The following RYR1 variants were observed in gnomAD, a reference collection of about 807,000 sequenced individuals.
RYR1 encodes central core disease of muscle.
RYR1 carries 342 observed loss-of-function variants against 583.5 expected under a neutral mutation model. That is an observed-to-expected ratio of 0.59 (90% CI 0.54 to 0.64). The LOEUF (loss-of-function observed/expected upper bound fraction) is 0.64, where lower values mean the gene tolerates loss of function less well. Ranked by LOEUF, RYR1 falls within the 30% of genes least tolerant of loss-of-function variation. RYR1 has a pLI of 0.00. For synonymous variants in RYR1, 2,791 were observed against 2,822.5 expected (o/e 0.99, Z 0.35); for missense variants, 6,032 against 6,917.2 (o/e 0.87, Z 4.54).
chr19:38,525,843 C>A (rs897984760), intron 71 of RYR1, among the ~76,000 whole-genome samples: 2 of 151,688 alleles, frequency 1.3e-5, no homozygotes, highest in Non-Finnish European at 2.9e-5. Context: ...CTGAGAGTCC[C>A]CCCAACAAGA....
chr19:38,549,769 A>C (rs977618498), intron 89 of RYR1, among the ~76,000 whole-genome samples: 1 of 138,954 alleles, frequency 7.2e-6, no homozygotes, highest in Non-Finnish European at 1.5e-5. Flanking sequence ...GCAGTGGTGC[A>C]ATCTCAGCTC....
In RYR1 at chr19:38,565,554, G is replaced by T. The variant is rs761108833; in HGVS notation, c.13220G>T (p.Gly4407Val). The T allele has an allele frequency of 6.7e-7, 1 of 1,486,578 alleles. No individual in the cohort carries two copies. Among genetic ancestry groups the T allele is most frequent in the South Asian group, 1.3e-5 (1 of 78,970 alleles). 92.1% of individuals were successfully genotyped at this position (1,486,578 alleles called of 1,614,324 possible). A position where few individuals can be genotyped will look rare whatever the true frequency, so the allele number is the denominator to read the frequency against. Reference protein sequence around the residue: ...AGPGGDADGEGASEGAGDAAE... With the variant: ...AGPGGDADGEVASEGAGDAAE... ...CCGGGCGGAGACGCAGACGGCGAGG[G>T]TGCCAGCGAGGGCGCTGGAGACGCC... The change falls in exon 91 of 106, where the codon GGT (glycine) becomes GTT (valine). Residue 4407 changes from glycine to valine, a missense_variant. Physicochemically the swap from Gly to Val is moderately radical, Grantham distance 109 (BLOSUM62 -3). Around this residue, in one of 11 missense-constraint regions of RYR1, gnomAD observed 753 missense variants for 759.6 expected, o/e 0.99. Transcript: ENST00000359596. The surrounding 1 kb of genome is among the most constrained non-coding windows in gnomAD (Gnocchi z 4.7).
chr19:38,537,523 A>AG (rs953527553), intron 83 of RYR1, among the ~76,000 whole-genome samples: 1 of 152,062 alleles, frequency 6.6e-6, no homozygotes, highest in Admixed American at 6.6e-5. Context: ...CACGGTCTGA[A>AG]GGGGGGCTGA....
At chr19:38,580,263 A>C in intron 100 of RYR1, 107 bp from the exon 101 acceptor site, 1 of 1,585,514 alleles carries the variant, frequency 6.3e-7, no homozygotes, top group Non-Finnish European at 8.6e-7. Flanking sequence ...TGTGTGGGGC[A>C]GCAAGGTAGA....
chr19:38,572,114 G>A lies in RYR1; in HGVS notation c.13842G>A (p.Leu4614=), dbSNP rs775940719. The change falls in exon 95 of 106, where the codon TTG becomes TTA. Residue 4614 remains leucine (L), a synonymous_variant. Coordinates refer to ENST00000359596, the MANE Select transcript of RYR1 (RefSeq NM_000540.3). ...CTGGTGGCAGCTCTGGCTGGGGCTTGGGGGCCGGAGAGGAGGCAGAGGGCG... is the reference window on the plus strand; with the variant it reads ...CTGGTGGCAGCTCTGGCTGGGGCTTAGGGGCCGGAGAGGAGGCAGAGGGCG... The part of the protein sequence containing the change: ...AGSGGSSGWG[L]GAGEEAEGDE... The A allele has an allele frequency of 1.2e-6, 2 of 1,614,142 alleles. No homozygotes were observed. The highest frequency in any genetic ancestry group is 1.1e-5 in the South Asian group (1 of 91,080).
intron 90 of RYR1, among the ~76,000 whole-genome samples, chr19:38,564,374 ACT>A (rs1973288530): frequency 6.6e-6 from 1 of 152,004 alleles, no homozygotes; most frequent in South Asian, 2.1e-4. Context: ...AAATTCAAAA[ACT>A]CAGCCCAGCA....
chr19:38,475,087 C>T (rs78338499), intron 28 of RYR1, among the ~76,000 whole-genome samples: 1 of 152,170 alleles, frequency 6.6e-6, no homozygotes. Context: ...GTGGGGACCT[C>T]CATATTCCCA....
chr19:38,506,753 G>C, intron 56 of RYR1, 76 bp from the exon 57 acceptor site: 1 of 1,601,638 alleles, frequency 6.2e-7, no homozygotes, highest in Non-Finnish European at 8.5e-7. Context: ...CGCATGCCGG[G>C]CACTGCAGGA....
intron 57 of RYR1, 31 bp downstream of exon 57, chr19:38,506,983 A>T: frequency 1.2e-6 from 2 of 1,612,022 alleles, no homozygotes; most frequent in Non-Finnish European, 1.7e-6. Flanking sequence ...GCGGAAGAGC[A>T]GCAGGCAGAA....
intron 101 of RYR1, among the ~76,000 whole-genome samples, chr19:38,582,258 A>G (rs1345772431): frequency 6.6e-6 from 1 of 152,028 alleles, no homozygotes; most frequent in Non-Finnish European, 1.5e-5. Flanking sequence ...TTAGCTGGGC[A>G]TGGTGGCGCA....
rs546153015 is a variant in RYR1 at position 38,479,976 on chromosome 19, TC to T, written c.4620+1379del. 2.1e-4 allele frequency among the ~76,000 whole-genome samples: 32 copies of T among 152,154 alleles called. No homozygotes were observed. In the East Asian group the frequency reaches 6.0e-3, roughly 29 times the overall value. On this transcript the variant is annotated intron_variant, in intron 31 of 105. Coordinates refer to ENST00000359596, the MANE Select transcript of RYR1 (RefSeq NM_000540.3). ...CTCAAGCAATCCTTCTGCCTCAGCC[TC>T]CCAAAGTGCTGGGATTGCAGGCGTG...
At chr19:38,492,682 GC>G in intron 38 of RYR1, 46 bp downstream of exon 38, 1 of 1,560,100 alleles carries the variant, frequency 6.4e-7, no homozygotes, top group Non-Finnish European at 8.7e-7. Flanking sequence ...GGGGTGGGTA[GC>G]CCCATGCCTG....
intron 31 of RYR1, among the ~76,000 whole-genome samples, chr19:38,480,646 G>A (rs1224227885): frequency 6.6e-6 from 1 of 152,018 alleles, no homozygotes; most frequent in Admixed American, 6.6e-5. Flanking sequence ...TCCAGTTTGT[G>A]TTCAGATTTC....
chr19:38,461,347 C>T (rs1967731864), intron 20 of RYR1, among the ~76,000 whole-genome samples: 1 of 152,018 alleles, frequency 6.6e-6, no homozygotes. Context: ...GCCCTAGAAG[C>T]TGGGAACCTC....
At position 38,473,663 on chromosome 19, in the gene RYR1, C is replaced by G; in HGVS notation, c.4052C>G (p.Thr1351Ser). ...GAGGCAGAGAACGGCAAAGAAGGGA[C>G]TGCGAAGGAGGGCGCCCCCGGGGGC... is the stretch of plus-strand genomic sequence containing the variant. Reference protein sequence around the residue: ...WSEAENGKEGTAKEGAPGGTP... With the variant: ...WSEAENGKEGSAKEGAPGGTP... The change falls in exon 28 of 106, where the codon ACT (threonine) becomes AGT (serine). Residue 1351 changes from threonine to serine, a missense_variant. Physicochemically the swap from Thr to Ser is moderately conservative, Grantham distance 58. Transcript: ENST00000359596. The G allele has an allele frequency of 6.4e-7, 1 of 1,553,488 alleles. No individual in the cohort carries two copies. The highest frequency in any genetic ancestry group is 1.2e-5 in the South Asian group (1 of 84,298).
intron 70 of RYR1, among the ~76,000 whole-genome samples, chr19:38,524,468 A>C (rs1391825953): frequency 6.6e-6 from 1 of 152,148 alleles, no homozygotes; most frequent in African/African-American, 2.4e-5. Flanking sequence ...GCGAGGACTC[A>C]GGGAGAAGCT....
At position 38,505,818 on chromosome 19, in the gene RYR1, T is replaced by C; in HGVS notation, c.8413T>C (p.Tyr2805His). 1.2e-6 allele frequency: 2 copies of C among 1,614,150 alleles called. No individual in the cohort carries two copies. The highest frequency in any genetic ancestry group is 8.5e-7 in the Non-Finnish European group (1 of 1,180,018). Residue 2805 changes from tyrosine (Y) to histidine (H), a missense_variant, in exon 54 of 106, where the codon TAC (tyrosine) becomes CAC (histidine). By Grantham distance (83) the Tyr-to-His change is moderately conservative. Around this residue, in one of 11 missense-constraint regions of RYR1, gnomAD observed 1,493 missense variants for 1,715.5 expected, o/e 0.87. Coordinates refer to ENST00000359596, the MANE Select transcript of RYR1 (RefSeq NM_000540.3). ...KTFSEKDKEI[Y>H]RWPIKESLKA... ...CTGTCCACCCCAGGACAAAGAGATT[T>C]ACCGCTGGCCCATCAAGGAGTCCCT...
At position 38,504,892 on chromosome 19, in the gene RYR1, C is replaced by T. The variant is rs772766489; in HGVS notation, c.8212C>T (p.Arg2738Trp). The T allele has an allele frequency of 1.4e-5, 23 of 1,613,988 alleles. No individual in the cohort carries two copies. The highest frequency in any genetic ancestry group is 5.3e-5 in the African/African-American group (4 of 74,896). ...TVDAEGNFDP[R>W]PVETLNVIIP... Reference sequence around the variant, plus strand: ...GGATGCTGAAGGCAACTTTGATCCCCGGCCTGTGGAGACCCTCAAGTGAGG... The same window carrying T: ...GGATGCTGAAGGCAACTTTGATCCCTGGCCTGTGGAGACCCTCAAGTGAGG... The change falls in exon 51 of 106, where the codon CGG becomes TGG. Residue 2738 changes from arginine to tryptophan, a missense_variant. Arg to Trp is a moderately radical substitution (Grantham distance 101). Transcript: ENST00000359596.
chr19:38,485,717 G>T lies in RYR1; in HGVS notation c.5062G>T (p.Val1688Leu). The T allele has an allele frequency of 1.2e-6, 2 of 1,612,244 alleles. No individual in the cohort carries two copies. The highest frequency in any genetic ancestry group is 8.5e-7 in the Non-Finnish European group (1 of 1,179,922). The change falls in exon 34 of 106, where the codon GTA (valine) becomes TTA (leucine). Residue 1688 changes from valine to leucine, a missense_variant. This residue lies in a region of RYR1 where 2,627 missense variants were observed against 2,961.3 expected (regional missense o/e 0.89). Coordinates refer to ENST00000359596, the MANE Select transcript of RYR1 (RefSeq NM_000540.3). ...CGTGGCGCACGCTCTGTGCAGCCAC[G>T]TAGACCAAGCTCAGCTGCTGCACGC... ...NRVAHALCSH[V>L]DQAQLLHALE...
Sources: allele counts gnomAD v4.1 joint callset (sites outside exome capture counted in the v4.1 genomes callset), GRCh38; gene constraint gnomAD v4.1.1; regional missense constraint gnomAD v4.1.1; non-coding constraint Gnocchi (gnomAD v3.1); transcripts MANE v1.5; gene names NCBI Gene and HGNC (gene_info 2026-07-23, HGNC 2026-07-21).